Variants in GOLIM4 observed in about 807,000 individuals in gnomAD.
The protein encoded by GOLIM4 is 130 kDa golgi-localized phosphoprotein.
In GOLIM4, 71 loss-of-function variants were observed where a neutral mutation model predicts 107.4. The observed-to-expected ratio is 0.66, with a 90% CI of 0.55 to 0.81. The LOEUF (loss-of-function observed/expected upper bound fraction) is 0.81. GOLIM4 is among the 30% of genes least tolerant of loss of function. GOLIM4 has a pLI of 0.00. For synonymous variants in GOLIM4, 327 were observed against 294.8 expected (o/e 1.11, Z -1.12); for missense variants, 830 against 826.1 (o/e 1.00, Z -0.06).
intron 14 of GOLIM4, among the ~76,000 whole-genome samples, chr3:168,019,583 A>G (rs1717570702): frequency 1.3e-5 from 2 of 152,112 alleles, no homozygotes; most frequent in Non-Finnish European, 2.9e-5. Flanking sequence ...CCCTACTGCT[A>G]TGGATTTGCA....
chr3:168,015,428 G>A (rs1291889261), intron 14 of GOLIM4, among the ~76,000 whole-genome samples: 2 of 137,836 alleles, frequency 1.5e-5, no homozygotes, highest in African/African-American at 6.8e-5. Flanking sequence ...ATGCTCATGG[G>A]TAGGAAGAAT....
chr3:168,066,656 T>TTATA (rs910991890), intron 1 of GOLIM4, among the ~76,000 whole-genome samples: 1 of 152,128 alleles, frequency 6.6e-6, no homozygotes, highest in Non-Finnish European at 1.5e-5. Context: ...AACTATACTT[T>TTATA]TATAGTCCTT....
At chr3:168,092,072 G>A (rs186532359) in intron 1 of GOLIM4, among the ~76,000 whole-genome samples, 87 of 152,272 alleles carry the variant, frequency 5.7e-4, no homozygotes, top group African/African-American at 2.0e-3. Flanking sequence ...ATTGGTCTGG[G>A]AGCCACCAGG....
At chr3:168,045,397 A>G (rs1225262987) in intron 3 of GOLIM4, among the ~76,000 whole-genome samples, 1 of 152,182 alleles carries the variant, frequency 6.6e-6, no homozygotes, top group Non-Finnish European at 1.5e-5. Flanking sequence ...GTGAGGCTCT[A>G]TTTTGCAGAG....
At chr3:168,010,672 A>T in intron 15 of GOLIM4, 71 bp downstream of exon 15, 1 of 1,118,086 alleles carries the variant, frequency 8.9e-7, no homozygotes. Context: ...CCAAATACAT[A>T]TATCTCTCCT....
At chr3:168,090,458 A>C (rs529886335) in intron 1 of GOLIM4, among the ~76,000 whole-genome samples, 2 of 152,228 alleles carry the variant, frequency 1.3e-5, no homozygotes, top group Non-Finnish European at 2.9e-5. Context: ...GCAAGTTAAA[A>C]TCACAGTGAG....
rs189032534 is a variant in GOLIM4 at position 168,085,422 on chromosome 3, G to A, written c.187+9677C>T. 2.0e-4 allele frequency among the ~76,000 whole-genome samples: 30 copies of A among 152,306 alleles called. No homozygotes were observed. In the South Asian group the frequency reaches 4.3e-3, roughly 22 times the overall value. On this transcript the variant is annotated intron_variant, in intron 1 of 15. Coordinates refer to ENST00000470487, the MANE Select transcript of GOLIM4 (RefSeq NM_014498.5). Reference sequence around the variant, plus strand: ...CCGATCTTGGCACAAGCCCAAAGTAGAGAAGACTTATCTCCAAGAGATATA... The same window carrying A: ...CCGATCTTGGCACAAGCCCAAAGTAAAGAAGACTTATCTCCAAGAGATATA...
At chr3:168,070,137 T>C (rs975625989) in intron 1 of GOLIM4, among the ~76,000 whole-genome samples, 1 of 152,202 alleles carries the variant, frequency 6.6e-6, no homozygotes, top group African/African-American at 2.4e-5. Context: ...CTCATGCCTG[T>C]AATCCCAGCA....
intron 8 of GOLIM4, among the ~76,000 whole-genome samples, chr3:168,036,118 C>T (rs1432114879): frequency 6.6e-6 from 1 of 152,146 alleles, no homozygotes; most frequent in Non-Finnish European, 1.5e-5. Context: ...ATAAAATCCT[C>T]ATGATCATTT....
chr3:168,037,137 C>T (rs1008229186), intron 7 of GOLIM4, 143 bp from the exon 8 acceptor site: 2 of 538,218 alleles, frequency 3.7e-6, no homozygotes, highest in Admixed American at 3.2e-5. Context: ...CATGCATTCA[C>T]TATTCTTACT....
At chr3:168,042,349 C>T (rs1342661083) in intron 5 of GOLIM4, among the ~76,000 whole-genome samples, 1 of 152,154 alleles carries the variant, frequency 6.6e-6, no homozygotes, top group Non-Finnish European at 1.5e-5. Flanking sequence ...GCGATCTTGG[C>T]TCACTGTAAG....
intron 5 of GOLIM4, among the ~76,000 whole-genome samples, chr3:168,042,383 C>T (rs1275759055): frequency 2.6e-5 from 4 of 152,136 alleles, no homozygotes; most frequent in African/African-American, 9.7e-5. Context: ...CGGGTTCAAG[C>T]GAGTCTCTTG....
At chr3:168,015,941 G>C (rs1360586189) in intron 14 of GOLIM4, among the ~76,000 whole-genome samples, 3 of 134,218 alleles carry the variant, frequency 2.2e-5, no homozygotes, top group Non-Finnish European at 4.4e-5. Flanking sequence ...AAAAACCCTG[G>C]AAGAAAACCT....
At chr3:168,035,861 A>C (rs1281152808) in intron 8 of GOLIM4, among the ~76,000 whole-genome samples, 1 of 152,214 alleles carries the variant, frequency 6.6e-6, no homozygotes, top group Non-Finnish European at 1.5e-5. Flanking sequence ...AAAAAAAAAA[A>C]ACAACCTTTG....
Position 168,025,086 on chromosome 3 carries a change from C to T in GOLIM4, c.1633G>A (p.Val545Ile). 1.9e-6 allele frequency: 3 copies of T among 1,604,566 alleles called. No individual in the cohort carries two copies. Among genetic ancestry groups the T allele is most frequent in the Middle Eastern group, 1.7e-4 (1 of 6,014 alleles). Reference protein sequence around the residue: ...DPESEADRAAVEDINPADDPN... With the variant: ...DPESEADRAAIEDINPADDPN... ...TCATCTGCTGGGTTTATATCTTCTA[C>T]AGCTGCCCTCTGTAAAATTTTAATA... Residue 545 changes from valine (V) to isoleucine (I), a missense_variant, in exon 13 of 16, where the codon GTA becomes ATA. By Grantham distance (29) the Val-to-Ile change is conservative. Coordinates refer to ENST00000470487, the MANE Select transcript of GOLIM4 (RefSeq NM_014498.5).
intron 4 of GOLIM4, among the ~76,000 whole-genome samples, 199 bp downstream of exon 4, chr3:168,044,629 G>A (rs2108248252): frequency 6.6e-6 from 1 of 152,200 alleles, no homozygotes; most frequent in East Asian, 1.9e-4. Flanking sequence ...TAATTAAAAT[G>A]TTCTATGTAA....
At chr3:168,054,416 C>G (rs958636217) in intron 1 of GOLIM4, among the ~76,000 whole-genome samples, 1 of 152,180 alleles carries the variant, frequency 6.6e-6, no homozygotes, top group African/African-American at 2.4e-5. Flanking sequence ...TTCCTTGAGC[C>G]TCACTGCTCT....
chr3:168,028,297 G>A (rs1479833931), intron 11 of GOLIM4, among the ~76,000 whole-genome samples: 1 of 152,100 alleles, frequency 6.6e-6, no homozygotes, highest in African/African-American at 2.4e-5. Flanking sequence ...CCCATCACAT[G>A]TTTTCTGATG....
At chr3:168,011,105 T>C (rs1358668313) in intron 14 of GOLIM4, among the ~76,000 whole-genome samples, 4 of 151,706 alleles carry the variant, frequency 2.6e-5, no homozygotes, top group African/African-American at 7.3e-5. Flanking sequence ...CAGAAGACAG[T>C]GATTTCTGCA....
Sources: gnomAD v4.1 joint callset for allele counts (sites outside exome capture counted in the v4.1 genomes callset) on GRCh38, gnomAD v4.1.1 for gene constraint, MANE v1.5 for transcripts, NCBI Gene and HGNC (gene_info 2026-07-23, HGNC 2026-07-21) for gene names.